The following ARHGEF28 variants were observed in gnomAD, a reference collection of about 807,000 sequenced individuals.
The protein encoded by ARHGEF28 is Rho guanine nucleotide exchange factor 28.
A neutral mutation model predicts 206.6 loss-of-function variants in ARHGEF28; 152 were observed. The observed-to-expected ratio is 0.74, with a 90% confidence interval of 0.64 to 0.84. The LOEUF (loss-of-function observed/expected upper bound fraction) is 0.84, where lower values mean the gene tolerates loss of function less well. Ranked by LOEUF, ARHGEF28 falls within the 40% of genes least tolerant of loss-of-function variation. ARHGEF28 has a pLI of 0.00. For synonymous variants in ARHGEF28, 763 were observed against 776.4 expected (o/e 0.98, Z 0.29); for missense variants, 2,028 against 2,073.2 (o/e 0.98, Z 0.42).
Position 73,866,034 on chromosome 5 carries a change from C to T in ARHGEF28, c.2152+21C>T, listed in dbSNP as rs201137815. ...TGGAAGTAAGTGATGTAGAAAACGA[C>T]AAGAACTTTTAAAAATTTAATACAT... is the stretch of plus-strand genomic sequence containing the variant. On this transcript the variant is annotated intron_variant, in intron 18 of 35. Coordinates refer to ENST00000513042, the MANE Select transcript of ARHGEF28 (RefSeq NM_001177693.2). The T allele has an allele frequency of 7.4e-5, 117 of 1,574,696 alleles. 1 individual carries two copies. The highest frequency in any genetic ancestry group is 1.6e-5 in the Non-Finnish European group (18 of 1,156,480).
chr5:73,796,915 A>C (rs1754855341), intron 9 of ARHGEF28, among the ~76,000 whole-genome samples: 1 of 152,214 alleles, frequency 6.6e-6, no homozygotes, highest in African/African-American at 2.4e-5. Flanking sequence ...TTAGCTTTGA[A>C]GAATGTTTGC....
chr5:73,882,402 A>T (rs1761008661), intron 22 of ARHGEF28, 70 bp from the exon 23 acceptor site: 1 of 1,116,962 alleles, frequency 9.0e-7, no homozygotes, highest in Non-Finnish European at 1.2e-6. Flanking sequence ...AATAGATGAA[A>T]ATTGCATATT....
chr5:73,848,362 A>G (rs1372688552), intron 12 of ARHGEF28, among the ~76,000 whole-genome samples: 1 of 152,242 alleles, frequency 6.6e-6, no homozygotes, highest in South Asian at 2.1e-4. Context: ...TTAAGGATGT[A>G]TAAATTAGTG....
intron 2 of ARHGEF28, among the ~76,000 whole-genome samples, chr5:73,729,671 G>T (rs113175795): frequency 6.6e-6 from 1 of 152,066 alleles, no homozygotes; most frequent in African/African-American, 2.4e-5. Context: ...CATTTCAGGC[G>T]GGCAGCTTCT....
chr5:73,728,007 C>T (rs1750384056), intron 2 of ARHGEF28, among the ~76,000 whole-genome samples: 1 of 152,200 alleles, frequency 6.6e-6, no homozygotes. Flanking sequence ...GGTCCTCTTG[C>T]ATCCTGTGTT....
At chr5:73,718,404 A>G (rs1749719316) in intron 2 of ARHGEF28, among the ~76,000 whole-genome samples, 1 of 152,168 alleles carries the variant, frequency 6.6e-6, no homozygotes, top group South Asian at 2.1e-4. Flanking sequence ...TTACTTAGAT[A>G]AAATACTCAG....
chr5:73,831,213 C>T (rs1289607335), intron 9 of ARHGEF28, among the ~76,000 whole-genome samples: 1 of 152,194 alleles, frequency 6.6e-6, no homozygotes, highest in East Asian at 1.9e-4. Context: ...ACTTAATCCT[C>T]ATAACCACAC....
intron 11 of ARHGEF28, among the ~76,000 whole-genome samples, chr5:73,842,200 T>C (rs563621138): frequency 6.6e-6 from 1 of 152,160 alleles, no homozygotes; most frequent in Admixed American, 6.6e-5. Flanking sequence ...CCCCATATCC[T>C]ACCCATGTGA....
intron 20 of ARHGEF28, 129 bp downstream of exon 20, chr5:73,868,356 TTTGGTA>T: frequency 3.3e-6 from 4 of 1,207,476 alleles, no homozygotes; most frequent in Non-Finnish European, 4.4e-6. Flanking sequence ...AGGGTGTCTC[TTTGGTA>T]TAGGTTCTAC....
At chr5:73,631,264 C>T (rs1012118856) in intron 1 of ARHGEF28, among the ~76,000 whole-genome samples, 4 of 152,156 alleles carry the variant, frequency 2.6e-5, no homozygotes, top group Non-Finnish European at 4.4e-5. Context: ...CAAAGTCCCT[C>T]GGGGGCTTAT....
chr5:73,909,595 C>G lies in ARHGEF28; in HGVS notation c.4345C>G (p.Gln1449Glu), dbSNP rs893626816. The change falls in exon 34 of 36, where the codon CAG becomes GAG. Residue 1449 changes from glutamine (Q) to glutamate (E), a missense_variant. Gln to Glu is a conservative substitution (Grantham distance 29). This residue lies in a region of ARHGEF28 where 803 missense variants were observed against 768.0 expected (regional missense o/e 1.05). Coordinates refer to ENST00000513042, the MANE Select transcript of ARHGEF28 (RefSeq NM_001177693.2). ...NVHQLQHQLQ[Q>E]EQRRWLRRCE... Reference sequence around the variant, plus strand: ...GCACCAGCTTCAGCACCAGCTCCAGCAGGAGCAGCGGCGCTGGCTGCGCAG... The same window carrying G: ...GCACCAGCTTCAGCACCAGCTCCAGGAGGAGCAGCGGCGCTGGCTGCGCAG... 8.3e-6 allele frequency: 13 copies of G among 1,557,470 alleles called. No homozygotes were observed. The South Asian group carries it at 1.3e-4, about 16-fold the overall frequency.
chr5:73,881,151 T>C (rs558728683), intron 22 of ARHGEF28, among the ~76,000 whole-genome samples: 2 of 152,248 alleles, frequency 1.3e-5, no homozygotes, highest in Non-Finnish European at 2.9e-5. Flanking sequence ...GGCATCTGGG[T>C]TACCATTTTG....
At position 73,846,331 on chromosome 5, in the gene ARHGEF28, C is replaced by T. The variant is rs772678505; in HGVS notation, c.1491C>T (p.Ile497=). 1 of 1,613,770 alleles carries T rather than the reference C, an allele frequency of 6.2e-7. No individual in the cohort carries two copies. Among genetic ancestry groups the T allele is most frequent in the African/African-American group, 1.3e-5 (1 of 74,918 alleles). Residue 497 remains isoleucine (I), a synonymous_variant, in exon 12 of 36, where the codon ATC becomes ATT. Transcript: ENST00000513042. ...EGEGHSEPSH[I]CYTPGSQSSS... ...AAGGGCATTCTGAGCCATCCCACAT[C>T]TGTTACACTCCAGGGTCTCAGAGCT...
intron 21 of ARHGEF28, among the ~76,000 whole-genome samples, chr5:73,870,688 G>C (rs1176086266): frequency 6.6e-6 from 1 of 152,160 alleles, no homozygotes; most frequent in African/African-American, 2.4e-5. Context: ...GCTGCACCTG[G>C]GTTAGGGCAG....
chr5:73,831,259 A>G (rs1457776479), intron 9 of ARHGEF28, among the ~76,000 whole-genome samples: 1 of 152,196 alleles, frequency 6.6e-6, no homozygotes, highest in Non-Finnish European at 1.5e-5. Flanking sequence ...GCTTTTATGG[A>G]TGAGGAAACT....
chr5:73,638,585 T>C (rs1293023350), intron 1 of ARHGEF28, among the ~76,000 whole-genome samples: 1 of 152,218 alleles, frequency 6.6e-6, no homozygotes, highest in Non-Finnish European at 1.5e-5. Flanking sequence ...TAGTGCATTA[T>C]CTTGCCTTTG....
At position 73,752,895 on chromosome 5, in the gene ARHGEF28, G is replaced by A; in HGVS notation, c.182-14G>A. The stretch of plus-strand genomic sequence containing the variant: ...ACAGACTTGGGGTGAACTGTTCACT[G>A]TCTTGTTGTCCAGGCCATGGGCTTC... On this transcript the variant is annotated splice_polypyrimidine_tract_variant and intron_variant, in intron 3 of 35. Transcript: ENST00000513042. The A allele has an allele frequency of 1.2e-6, 2 of 1,613,370 alleles. No homozygotes were observed. The highest frequency in any genetic ancestry group is 4.5e-5 in the East Asian group (2 of 44,874).
At chr5:73,853,216 A>G (rs537739123) in intron 14 of ARHGEF28, among the ~76,000 whole-genome samples, 1 of 152,362 alleles carries the variant, frequency 6.6e-6, no homozygotes, top group African/African-American at 2.4e-5. Context: ...TTTCTCCTAG[A>G]AGGTAAAACT....
chr5:73,763,843 C>T (rs906517797), intron 4 of ARHGEF28, among the ~76,000 whole-genome samples: 5 of 152,200 alleles, frequency 3.3e-5, no homozygotes, highest in African/African-American at 7.2e-5. Context: ...GGGATTACAG[C>T]ACATTTGTCT....
Sources: gnomAD v4.1 joint callset for allele counts (sites outside exome capture counted in the v4.1 genomes callset) on GRCh38, gnomAD v4.1.1 for gene constraint, gnomAD v4.1.1 regional missense constraint, MANE v1.5 for transcripts, NCBI Gene and HGNC (gene_info 2026-07-23, HGNC 2026-07-21) for gene names.